The following HCN1 variants were observed in gnomAD, a reference collection of about 807,000 sequenced individuals.
HCN1 encodes hyperpolarization activated cyclic nucleotide gated potassium channel 1.
A neutral mutation model predicts 78.9 loss-of-function variants in HCN1; 13 were observed. That is an observed-to-expected ratio of 0.16 (90% CI 0.11 to 0.26). The LOEUF (loss-of-function observed/expected upper bound fraction) is 0.26. Ranked by LOEUF, HCN1 falls within the 10% of genes least tolerant of loss-of-function variation. HCN1 has a pLI of 1.00. For synonymous variants in HCN1, 552 were observed against 455.5 expected, an observed-to-expected ratio of 1.21 and a Z score of -2.70; for missense variants, 810 against 1,154.3, an observed-to-expected ratio of 0.70 and a Z score of 4.32.
intron 2 of HCN1, among the ~76,000 whole-genome samples, chr5:45,516,845 T>A (rs942201406): frequency 1.3e-5 from 2 of 151,780 alleles, no homozygotes; most frequent in Non-Finnish European, 2.9e-5. Flanking sequence ...GAGTCCACTA[T>A]GCATTTAAAA....
At chr5:45,377,782 A>C (rs1747714667) in intron 4 of HCN1, among the ~76,000 whole-genome samples, 1 of 152,010 alleles carries the variant, frequency 6.6e-6, no homozygotes, top group East Asian at 1.9e-4. Flanking sequence ...GACTATAACA[A>C]ATTGGGTTGT....
chr5:45,426,444 T>C (rs935546651), intron 3 of HCN1, among the ~76,000 whole-genome samples: 3 of 152,216 alleles, frequency 2.0e-5, no homozygotes, highest in African/African-American at 7.2e-5. Flanking sequence ...GTGGAGGTAA[T>C]TGAATCGTGG....
chr5:45,434,395 T>C (rs912926322), intron 3 of HCN1, among the ~76,000 whole-genome samples: 31 of 152,142 alleles, frequency 2.0e-4, no homozygotes, highest in Admixed American at 2.0e-4. Flanking sequence ...GCAGGCAGCC[T>C]TCTGAAGTGA....
chr5:45,525,258 T>C (rs963984851), intron 2 of HCN1, among the ~76,000 whole-genome samples: 1 of 152,006 alleles, frequency 6.6e-6, no homozygotes, highest in Non-Finnish European at 1.5e-5. Flanking sequence ...TTTAAGACAA[T>C]GAACACTTAG....
chr5:45,593,524 A>G (rs1162425135), intron 2 of HCN1, among the ~76,000 whole-genome samples: 1 of 152,082 alleles, frequency 6.6e-6, no homozygotes, highest in Non-Finnish European at 1.5e-5. Flanking sequence ...GGGAATATCC[A>G]CATGTTTAAG....
At position 45,540,907 on chromosome 5, in the gene HCN1, A is replaced by G. The variant is rs111455036; in HGVS notation, c.850-78900T>C. 8.7e-3 allele frequency among the ~76,000 whole-genome samples: 1,318 copies of G among 152,270 alleles called. 25 individuals are homozygous for G. Among genetic ancestry groups the G allele is most frequent in the African/African-American group, 0.031 (1,286 of 41,560 alleles). ...GCATGTTCTTAAAATTTACAAAGAAAAAAAGTATGTCTATAACATGAGGTG... is the reference window on the plus strand; with the variant it reads ...GCATGTTCTTAAAATTTACAAAGAAGAAAAGTATGTCTATAACATGAGGTG... On this transcript the variant is annotated intron_variant, in intron 2 of 7. Transcript: ENST00000303230.
intron 3 of HCN1, among the ~76,000 whole-genome samples, chr5:45,441,288 AT>A (rs1311415362): frequency 6.6e-6 from 1 of 151,958 alleles, no homozygotes; most frequent in African/African-American, 2.4e-5. Flanking sequence ...TTATCAATAT[AT>A]TTGCCATTAG....
At chr5:45,316,758 T>C (rs1746002441) in intron 5 of HCN1, among the ~76,000 whole-genome samples, 1 of 152,100 alleles carries the variant, frequency 6.6e-6, no homozygotes, top group Admixed American at 6.5e-5. Context: ...CAAGCATTCT[T>C]ATACACCAAT....
intron 1 of HCN1, among the ~76,000 whole-genome samples, chr5:45,681,302 T>G (rs1402872174): frequency 1.3e-5 from 2 of 152,180 alleles, no homozygotes; most frequent in Non-Finnish European, 2.9e-5. Context: ...AAGTTGCCCA[T>G]GATTTTTTGT....
At chr5:45,563,068 T>C (rs1743637068) in intron 2 of HCN1, among the ~76,000 whole-genome samples, 1 of 152,208 alleles carries the variant, frequency 6.6e-6, no homozygotes, top group Non-Finnish European at 1.5e-5. Flanking sequence ...TCTGAAACAG[T>C]CCCTTAATAA....
chr5:45,430,993 T>C (rs995442012), intron 3 of HCN1, among the ~76,000 whole-genome samples: 2 of 152,206 alleles, frequency 1.3e-5, no homozygotes, highest in Non-Finnish European at 2.9e-5. Flanking sequence ...AATTATAATC[T>C]TGTTTTAAGT....
At chr5:45,387,752 C>A (rs6451798) in intron 4 of HCN1, among the ~76,000 whole-genome samples, 1 of 151,878 alleles carries the variant, frequency 6.6e-6, no homozygotes, top group Admixed American at 6.6e-5. Context: ...GTGGGACATA[C>A]GTTCCAAGAC....
chr5:45,258,228 T>C lies in HCN1; in HGVS notation c.*3693A>G, dbSNP rs994502487. On this transcript the variant is annotated 3_prime_UTR_variant, in exon 8 of 8. Coordinates refer to ENST00000303230, the MANE Select transcript of HCN1 (RefSeq NM_021072.4). The stretch of plus-strand genomic sequence containing the variant: ...CCTGAAAGATAATAGAGATTGCTCA[T>C]AATTTGAAGTAGACATAATTCAGGA... The C allele has an allele frequency of 6.6e-6, 1 of 152,184 alleles. No homozygotes were observed. Among genetic ancestry groups the C allele is most frequent in the South Asian group, 2.1e-4 (1 of 4,828 alleles). 9.4% of individuals were successfully genotyped at this position (152,184 alleles called of 1,614,324 possible). A position where few individuals can be genotyped will look rare whatever the true frequency, so the allele number is the denominator to read the frequency against.
intron 5 of HCN1, among the ~76,000 whole-genome samples, chr5:45,321,358 CAGA>C (rs1746122443): frequency 6.6e-6 from 1 of 151,682 alleles, no homozygotes; most frequent in Non-Finnish European, 1.5e-5. Flanking sequence ...TCAACATATG[CAGA>C]AGAAGAAAGT....
At chr5:45,351,128 C>A (rs935380987) in intron 5 of HCN1, among the ~76,000 whole-genome samples, 3 of 152,066 alleles carry the variant, frequency 2.0e-5, no homozygotes, top group Non-Finnish European at 4.4e-5. Context: ...TCAAACTATA[C>A]TACAAGTCTA....
In HCN1 at chr5:45,347,527, T is replaced by C. The variant is rs538295390; in HGVS notation, c.1377+5573A>G. On this transcript the variant is annotated intron_variant, in intron 5 of 7. Coordinates refer to ENST00000303230, the MANE Select transcript of HCN1 (RefSeq NM_021072.4). ...AAAGCTGGATGGAGAATGACTTTGA[T>C]GAGTTGAGAGAAGAAGGCTTCAGAC... Among the ~76,000 whole-genome samples the C allele has an allele frequency of 1.8e-4, 28 of 152,264 alleles. No homozygotes were observed. In the East Asian group the frequency reaches 5.2e-3, roughly 28 times the overall value.
chr5:45,515,948 GA>G (rs1742509967), intron 2 of HCN1, among the ~76,000 whole-genome samples: 1 of 151,826 alleles, frequency 6.6e-6, no homozygotes, highest in South Asian at 2.1e-4. Context: ...ACAAAACTGT[GA>G]TCCACAGAGA....
chr5:45,606,998 C>T (rs991158013), intron 2 of HCN1, among the ~76,000 whole-genome samples: 9 of 151,600 alleles, frequency 5.9e-5, no homozygotes, highest in African/African-American at 2.2e-4. Flanking sequence ...AGAAAAGGAA[C>T]AGAAGAGTAA....
At chr5:45,288,518 C>T (rs530146053) in intron 6 of HCN1, among the ~76,000 whole-genome samples, 1 of 151,988 alleles carries the variant, frequency 6.6e-6, no homozygotes, top group Admixed American at 6.6e-5. Context: ...ATTCTGAGCC[C>T]CTGGGTGTTA....
Sources: gnomAD v4.1 joint callset for allele counts (sites outside exome capture counted in the v4.1 genomes callset) on GRCh38, gnomAD v4.1.1 for gene constraint, MANE v1.5 for transcripts, NCBI Gene and HGNC (gene_info 2026-07-23, HGNC 2026-07-21) for gene names.